Variants in PYROXD1 observed in about 807,000 individuals in gnomAD.
PYROXD1 encodes tRNA ligase complex-associated NAD(P)H dehydrogenase PYROXD1.
In PYROXD1, 42 loss-of-function variants were observed where a neutral mutation model predicts 62.0. The ratio of observed to expected loss-of-function variants is 0.68; its 90% CI spans 0.53 to 0.88. The LOEUF is 0.88. PYROXD1 is among the 40% of genes least tolerant of loss of function. The pLI, the probability that PYROXD1 is intolerant of heterozygous loss-of-function variation, is 0.00. For missense variants in PYROXD1, 493 were observed against 604.8 expected (o/e 0.82, Z 1.94); for synonymous variants, 170 against 206.4 (o/e 0.82, Z 1.51).
Position 21,462,728 on chromosome 12 carries a change from A to G in PYROXD1, c.994-12A>G. 1 of 1,613,056 alleles carries G rather than the reference A, an allele frequency of 6.2e-7. No individual in the cohort carries two copies. Among genetic ancestry groups the G allele is most frequent in the Non-Finnish European group, 8.5e-7 (1 of 1,179,640 alleles). On this transcript the variant is annotated splice_polypyrimidine_tract_variant and intron_variant, in intron 9 of 11. Coordinates refer to ENST00000240651, the MANE Select transcript of PYROXD1 (RefSeq NM_024854.5). ...TTCTTAACACTTAACGCTTATGAGGAATGTTGTTTAGTTTGATCTAGGAGA... is the reference window on the plus strand; with the variant it reads ...TTCTTAACACTTAACGCTTATGAGGGATGTTGTTTAGTTTGATCTAGGAGA...
intron 10 of PYROXD1, among the ~76,000 whole-genome samples, chr12:21,463,231 A>G (rs1942731362): frequency 6.6e-6 from 1 of 152,202 alleles, no homozygotes; most frequent in South Asian, 2.1e-4. Context: ...GGTTAATGTG[A>G]CTGAGGAACT....
chr12:21,446,885 A>G (rs2137251169), intron 3 of PYROXD1, among the ~76,000 whole-genome samples: 1 of 152,340 alleles, frequency 6.6e-6, no homozygotes, highest in African/African-American at 2.4e-5. Flanking sequence ...ACTGCACTCC[A>G]GCCTGGGCAA....
At position 21,440,381 on chromosome 12, in the gene PYROXD1, T is replaced by C. The variant is rs1223307137; in HGVS notation, c.98T>C (p.Phe33Ser). ...TTTAAAAATAAGTTGGCTACTCACT[T>C]TCCATCGGAAGATATTCTCTTGGTA... is the stretch of plus-strand genomic sequence containing the variant. ...VTCAEQLATH[F>S]PSEDILLVTA... is the part of the protein sequence containing the mutation. The change falls in exon 2 of 12, where the codon TTT becomes TCT. Residue 33 changes from phenylalanine (F) to serine (S), a missense_variant. Phe to Ser is a radical substitution (Grantham distance 155). Around this residue, in one of 2 missense-constraint regions of PYROXD1, gnomAD observed 164 missense variants for 158.2 expected, o/e 1.04. Transcript: ENST00000240651. 1 of 1,593,116 alleles carries C rather than the reference T, an allele frequency of 6.3e-7. No homozygotes were observed. The highest frequency in any genetic ancestry group is 1.7e-4 in the Middle Eastern group (1 of 5,986).
At chr12:21,465,367 T>A (rs1942773018) in intron 10 of PYROXD1, among the ~76,000 whole-genome samples, 3 of 152,160 alleles carry the variant, frequency 2.0e-5, no homozygotes, top group Non-Finnish European at 4.4e-5. Context: ...CCATTCTAAC[T>A]GGTGTGAGAT....
chr12:21,438,085 G>A (rs915668192), intron 1 of PYROXD1: 3 of 494,026 alleles, frequency 6.1e-6, no homozygotes, highest in Non-Finnish European at 7.1e-6. Context: ...TGTAATGTCA[G>A]AGCAGACATG....
chr12:21,468,363 T>C (rs1942841451), intron 11 of PYROXD1, 143 bp from the exon 12 acceptor site: 1 of 696,492 alleles, frequency 1.4e-6, no homozygotes, highest in African/African-American at 1.8e-5. Context: ...ACATTTTCTT[T>C]GGGACTCTCC....
At position 21,439,771 on chromosome 12, in the gene PYROXD1, G is replaced by A. The variant is rs575040282; in HGVS notation, c.85-597G>A. ...TTTCAGGTACAGAGTGAAGAAGACCGAGGTTGTAGCTAAAGGAAAATAATG... is the reference window on the plus strand; with the variant it reads ...TTTCAGGTACAGAGTGAAGAAGACCAAGGTTGTAGCTAAAGGAAAATAATG... On this transcript the variant is annotated intron_variant, in intron 1 of 11. Coordinates refer to ENST00000240651, the MANE Select transcript of PYROXD1 (RefSeq NM_024854.5). Among the ~76,000 whole-genome samples, 23 of 152,260 alleles carry A rather than the reference G, an allele frequency of 1.5e-4. No individual in the cohort carries two copies. In the East Asian group the frequency reaches 3.3e-3, roughly 22 times the overall value.
At chr12:21,439,478 C>T (rs529263184) in intron 1 of PYROXD1, among the ~76,000 whole-genome samples, 1 of 152,028 alleles carries the variant, frequency 6.6e-6, no homozygotes, top group African/African-American at 2.4e-5. Context: ...TGAGAAGAAT[C>T]GCATGGGTGT....
At chr12:21,451,118 G>T (rs185834642) in intron 4 of PYROXD1, among the ~76,000 whole-genome samples, 103 of 152,030 alleles carry the variant, frequency 6.8e-4, no homozygotes, top group African/African-American at 2.4e-3. Context: ...TTATAAGTTT[G>T]GAGATAAATT....
intron 7 of PYROXD1, among the ~76,000 whole-genome samples, chr12:21,460,516 C>T (rs141780788): frequency 0.032 from 4,893 of 151,572 alleles, 115 homozygotes; most frequent in Middle Eastern, 0.068. Context: ...CTCTGCCTCC[C>T]GGGTTCAAGC....
chr12:21,437,798 T>C lies in PYROXD1; in HGVS notation c.68T>C (p.Val23Ala), dbSNP rs1335901770. ...FVVVGGGIAG[V>A]TCAEQLATHF... ...GTGGTCGGCGGCGGCATCGCGGGCG[T>C]CACTTGTGCGGAGCAGGTAGGGCGG... Residue 23 changes from valine to alanine, a missense_variant, in exon 1 of 12, where the codon GTC becomes GCC. By Grantham distance (64) the Val-to-Ala change is moderately conservative. Transcript: ENST00000240651. 2 of 1,612,694 alleles carry C rather than the reference T, an allele frequency of 1.2e-6. No homozygotes were observed. Among genetic ancestry groups the C allele is most frequent in the Non-Finnish European group, 1.7e-6 (2 of 1,179,632 alleles).
chr12:21,467,736 T>C (rs1218877018), intron 11 of PYROXD1, 118 bp downstream of exon 11: 2 of 812,130 alleles, frequency 2.5e-6, no homozygotes, highest in Non-Finnish European at 3.9e-6. Context: ...TACAAAAAAA[T>C]GACATTTTTC....
intron 1 of PYROXD1, among the ~76,000 whole-genome samples, chr12:21,439,983 G>A (rs967624225): frequency 6.6e-6 from 1 of 152,136 alleles, no homozygotes; most frequent in Non-Finnish European, 1.5e-5. Flanking sequence ...GAAGACAAAT[G>A]AAATATTATT....
chr12:21,462,178 C>T (rs775299611), intron 9 of PYROXD1, 58 bp downstream of exon 9: 2 of 900,598 alleles, frequency 2.2e-6, no homozygotes, highest in Non-Finnish European at 3.6e-6. Flanking sequence ...TTGTGAAGAT[C>T]TCTAATTCTC....
At chr12:21,443,173 G>C (rs1181451897) in intron 2 of PYROXD1, among the ~76,000 whole-genome samples, 1 of 152,248 alleles carries the variant, frequency 6.6e-6, no homozygotes, top group South Asian at 2.1e-4. Context: ...TATTCAGATA[G>C]AATACCAGAA....
chr12:21,470,311 A>G lies in PYROXD1; in HGVS notation c.*1557A>G, dbSNP rs944251887. On this transcript the variant is annotated 3_prime_UTR_variant, in exon 12 of 12. Coordinates refer to ENST00000240651, the MANE Select transcript of PYROXD1 (RefSeq NM_024854.5). ...AATTTTTTTCCTCCATCTTTTTATC[A>G]CCTTGTTCAGAATGACAAGTTTGAG... is the stretch of plus-strand genomic sequence containing the variant. 1 of 1,566,578 alleles carries G rather than the reference A, an allele frequency of 6.4e-7. No homozygotes were observed. Among genetic ancestry groups the G allele is most frequent in the Non-Finnish European group, 8.6e-7 (1 of 1,156,752 alleles).
At chr12:21,443,771 C>T (rs1565544191) in intron 2 of PYROXD1, among the ~76,000 whole-genome samples, 1 of 152,076 alleles carries the variant, frequency 6.6e-6, no homozygotes, top group Non-Finnish European at 1.5e-5. Flanking sequence ...ATAATTTTCT[C>T]ATGTTGTAAA....
chr12:21,455,056 A>G, intron 5 of PYROXD1, 76 bp from the exon 6 acceptor site: 1 of 803,604 alleles, frequency 1.2e-6, no homozygotes, highest in African/African-American at 1.8e-5. Context: ...GCTTCAGGAG[A>G]TCATTATTTG....
At chr12:21,464,413 C>T (rs12311966) in intron 10 of PYROXD1, among the ~76,000 whole-genome samples, 1 of 151,656 alleles carries the variant, frequency 6.6e-6, no homozygotes, top group African/African-American at 2.4e-5. Context: ...TTCATCAAAT[C>T]TATAATACCT....
Sources: allele counts gnomAD v4.1 joint callset (sites outside exome capture counted in the v4.1 genomes callset), GRCh38; gene constraint gnomAD v4.1.1; regional missense constraint gnomAD v4.1.1; transcripts MANE v1.5; gene names NCBI Gene and HGNC (gene_info 2026-07-23, HGNC 2026-07-21).